Variants in CNTN5 observed in about 807,000 individuals in gnomAD.
CNTN5 encodes contactin-5.
A neutral mutation model predicts 129.1 loss-of-function variants in CNTN5; 77 were observed. The observed-to-expected ratio is 0.60, with a 90% confidence interval of 0.50 to 0.72. The LOEUF (loss-of-function observed/expected upper bound fraction) is 0.72. CNTN5 is among the 30% of genes least tolerant of loss of function. The pLI, the probability that CNTN5 is intolerant of heterozygous loss-of-function variation, is 0.00. For synonymous variants in CNTN5, 509 were observed against 465.6 expected (o/e 1.09, Z -1.20); for missense variants, 1,478 against 1,328.8 (o/e 1.11, Z -1.75).
At chr11:99,035,412 T>C (rs1464140957) in intron 1 of CNTN5, among the ~76,000 whole-genome samples, 8 of 152,122 alleles carry the variant, frequency 5.3e-5, no homozygotes, top group Admixed American at 5.2e-4. Flanking sequence ...TCTAAGTCTC[T>C]TTGTAGGTCA....
intron 13 of CNTN5, among the ~76,000 whole-genome samples, chr11:100,164,079 T>C (rs1947542719): frequency 6.6e-6 from 1 of 151,852 alleles, no homozygotes; most frequent in African/African-American, 2.4e-5. Context: ...ACTGTTAACC[T>C]ACCCTTGTAA....
chr11:99,365,248 G>A (rs1939370590), intron 2 of CNTN5, among the ~76,000 whole-genome samples: 1 of 152,086 alleles, frequency 6.6e-6, no homozygotes, highest in African/African-American at 2.4e-5. Flanking sequence ...ATTTCTCATA[G>A]AGTGGCTATA....
chr11:99,282,648 T>C (rs1165542141), intron 1 of CNTN5, among the ~76,000 whole-genome samples: 4 of 152,020 alleles, frequency 2.6e-5, no homozygotes, highest in Non-Finnish European at 5.9e-5. Context: ...CTCGAATAAA[T>C]CTGGGGCGGT....
chr11:99,563,745 T>A (rs1428893126), intron 3 of CNTN5, among the ~76,000 whole-genome samples: 1 of 152,172 alleles, frequency 6.6e-6, no homozygotes. Flanking sequence ...CTTGGTCATG[T>A]CTCTGATCAT....
intron 2 of CNTN5, among the ~76,000 whole-genome samples, chr11:99,453,941 G>A (rs1944401980): frequency 1.3e-5 from 2 of 152,110 alleles, no homozygotes; most frequent in South Asian, 4.1e-4. Context: ...AGGGAAAAAA[G>A]CACAATTATT....
chr11:99,055,048 C>A (rs1053355635), intron 1 of CNTN5, among the ~76,000 whole-genome samples: 3 of 151,868 alleles, frequency 2.0e-5, no homozygotes, highest in Non-Finnish European at 4.4e-5. Context: ...TATTTCTATG[C>A]CCTATTCCCA....
At chr11:99,752,616 T>A (rs1248365028) in intron 3 of CNTN5, among the ~76,000 whole-genome samples, 1 of 152,208 alleles carries the variant, frequency 6.6e-6, no homozygotes, top group Non-Finnish European at 1.5e-5. Flanking sequence ...TCCATTCATG[T>A]TATTACTAAA....
chr11:99,295,734 G>C (rs1864353411), intron 1 of CNTN5, among the ~76,000 whole-genome samples: 1 of 151,718 alleles, frequency 6.6e-6, no homozygotes, highest in Non-Finnish European at 1.5e-5. Context: ...AAATTAGCCG[G>C]GCGCGGTGGC....
At chr11:99,793,944 T>C (rs541142082) in intron 3 of CNTN5, among the ~76,000 whole-genome samples, 2 of 152,292 alleles carry the variant, frequency 1.3e-5, no homozygotes, top group African/African-American at 4.8e-5. Context: ...AACTCAAGTG[T>C]TGAGTTCAGC....
intron 8 of CNTN5, among the ~76,000 whole-genome samples, chr11:99,961,658 C>A (rs909615187): frequency 1.3e-5 from 2 of 152,192 alleles, no homozygotes; most frequent in Admixed American, 6.6e-5. Context: ...TGTTGAACAC[C>A]TTTTCCTTCT....
chr11:99,631,504 C>G (rs966826111), intron 3 of CNTN5, among the ~76,000 whole-genome samples: 2 of 151,508 alleles, frequency 1.3e-5, no homozygotes, highest in African/African-American at 4.9e-5. Context: ...GTAGTTAAAC[C>G]AAACTGTTTA....
At chr11:99,782,552 G>A (rs920513496) in intron 3 of CNTN5, among the ~76,000 whole-genome samples, 182 of 151,776 alleles carry the variant, frequency 1.2e-3, no homozygotes, top group Non-Finnish European at 2.0e-3. Context: ...AAAGCTGGAG[G>A]CATCACACTA....
At chr11:99,339,552 G>T (rs972639487) in intron 2 of CNTN5, among the ~76,000 whole-genome samples, 1 of 152,056 alleles carries the variant, frequency 6.6e-6, no homozygotes, top group African/African-American at 2.4e-5. Context: ...GGCCGAGACG[G>T]GTGGATCACG....
intron 2 of CNTN5, among the ~76,000 whole-genome samples, chr11:99,537,212 G>C (rs1166925863): frequency 6.6e-6 from 1 of 152,150 alleles, no homozygotes; most frequent in Non-Finnish European, 1.5e-5. Context: ...GTTCTGCTTA[G>C]GAAGATTTGA....
At chr11:99,800,745 T>C (rs889851610) in intron 3 of CNTN5, among the ~76,000 whole-genome samples, 3 of 152,148 alleles carry the variant, frequency 2.0e-5, no homozygotes, top group Non-Finnish European at 4.4e-5. Flanking sequence ...AAAATAATGT[T>C]TCTTTTTTAT....
At chr11:99,410,640 G>C (rs1034450003) in intron 2 of CNTN5, among the ~76,000 whole-genome samples, 2 of 152,198 alleles carry the variant, frequency 1.3e-5, no homozygotes, top group African/African-American at 4.8e-5. Context: ...AATTCTCCTT[G>C]ATTTTCCCTG....
intron 21 of CNTN5, among the ~76,000 whole-genome samples, chr11:100,319,153 CTTTTTTT>C (rs1291858718): frequency 7.3e-6 from 1 of 137,394 alleles, no homozygotes; most frequent in Non-Finnish European, 1.6e-5. Context: ...TTTTTCTTTT[CTTTTTTT>C]TTTTTTTTTT....
intron 3 of CNTN5, among the ~76,000 whole-genome samples, chr11:99,794,293 C>T (rs1430570940): frequency 1.3e-5 from 2 of 151,564 alleles, no homozygotes; most frequent in Non-Finnish European, 2.9e-5. Flanking sequence ...TTCCTCCATC[C>T]CTTTACTGTG....
At chr11:100,170,840 T>A (rs1411452948) in intron 13 of CNTN5, among the ~76,000 whole-genome samples, 1 of 151,788 alleles carries the variant, frequency 6.6e-6, no homozygotes, top group Non-Finnish European at 1.5e-5. Flanking sequence ...CTCTGATGCT[T>A]ACTGTTAACT....
Sources: allele counts gnomAD v4.1 joint callset (sites outside exome capture counted in the v4.1 genomes callset), GRCh38; gene constraint gnomAD v4.1.1; transcripts MANE v1.5; gene names NCBI Gene and HGNC (gene_info 2026-07-23, HGNC 2026-07-21).